Variants in C4orf51 observed in about 807,000 individuals in gnomAD.
C4orf51 encodes uncharacterized protein C4orf51.
C4orf51 carries 25 observed loss-of-function variants against 25.2 expected under a neutral mutation model. The observed-to-expected ratio is 0.99, with a 90% CI of 0.72 to 1.39. The LOEUF is 1.39. Ranked by LOEUF, C4orf51 falls within the 40% of genes most tolerant of loss-of-function variation. C4orf51 has a pLI of 0.00. For synonymous variants in C4orf51, 100 were observed against 84.5 expected, an observed-to-expected ratio of 1.18 and a Z score of -1.01; for missense variants, 252 against 239.6, an observed-to-expected ratio of 1.05 and a Z score of -0.34.
intron 1 of C4orf51, among the ~76,000 whole-genome samples, chr4:145,739,745 T>C (rs935638690): frequency 6.6e-6 from 1 of 152,222 alleles, no homozygotes; most frequent in Non-Finnish European, 1.5e-5. Context: ...GTGTTTGATA[T>C]GATGAGACAG....
chr4:145,764,480 C>T (rs1734982738), intron 1 of C4orf51, among the ~76,000 whole-genome samples: 1 of 152,160 alleles, frequency 6.6e-6, no homozygotes. Flanking sequence ...AGTATGTTTG[C>T]AGGAGGATCA....
At chr4:145,777,446 CT>C in the C4orf51 span, among the ~76,000 whole-genome samples, 1 of 152,156 alleles carries the variant, frequency 6.6e-6, no homozygotes, top group African/African-American at 2.4e-5. Context: ...ACGGTATGTC[CT>C]TCATAATTTT....
At chr4:145,706,062 G>A (rs1406890891) in intron 2 of C4orf51, among the ~76,000 whole-genome samples, 1 of 151,820 alleles carries the variant, frequency 6.6e-6, no homozygotes, top group Non-Finnish European at 1.5e-5. Flanking sequence ...AATAAGCAGG[G>A]TTAGTCTAAA....
intron 2 of C4orf51, 63 bp downstream of exon 2, chr4:145,696,695 A>G: frequency 7.7e-7 from 1 of 1,300,430 alleles, no homozygotes; most frequent in South Asian, 1.3e-5. Context: ...TGTTTCTTTC[A>G]GGTTCTTTTT....
chr4:145,784,382 T>C, the C4orf51 span, among the ~76,000 whole-genome samples: 1 of 152,210 alleles, frequency 6.6e-6, no homozygotes, highest in Non-Finnish European at 1.5e-5. Flanking sequence ...ATAACACTCT[T>C]AACTGAAGGC....
At chr4:145,716,396 A>G (rs748228734) in intron 2 of C4orf51, among the ~76,000 whole-genome samples, 1 of 152,168 alleles carries the variant, frequency 6.6e-6, no homozygotes, top group Non-Finnish European at 1.5e-5. Flanking sequence ...TTATGCTCAC[A>G]TTCCAATGTG....
At chr4:145,766,609 G>A (rs543116615) in intron 1 of C4orf51, among the ~76,000 whole-genome samples, 18 of 152,266 alleles carry the variant, frequency 1.2e-4, no homozygotes, top group Admixed American at 4.6e-4. Flanking sequence ...AGAGAGGAAG[G>A]GGCAGCACAG....
chr4:145,697,066 A>C (rs72723855), intron 2 of C4orf51, among the ~76,000 whole-genome samples: 3,265 of 150,954 alleles, frequency 0.022, 61 homozygotes, highest in Non-Finnish European at 0.03. Context: ...AACCAACCAA[A>C]CAAACAAACA....
chr4:145,764,804 CACCCT>C (rs1735029121), intron 1 of C4orf51: 29 of 730,364 alleles, frequency 4.0e-5, no homozygotes, highest in Non-Finnish European at 6.3e-5. Flanking sequence ...CATCTGTTGA[CACCCT>C]AGGGGGACAG....
chr4:145,682,824 G>A (rs1269632896), intron 1 of C4orf51, among the ~76,000 whole-genome samples: 1 of 152,118 alleles, frequency 6.6e-6, no homozygotes, highest in East Asian at 1.9e-4. Flanking sequence ...AATAAGGGAA[G>A]GGTCACATTT....
At chr4:145,704,715 G>A (rs537916608) in intron 2 of C4orf51, among the ~76,000 whole-genome samples, 1 of 152,108 alleles carries the variant, frequency 6.6e-6, no homozygotes, top group African/African-American at 2.4e-5. Flanking sequence ...TTTGTTACTG[G>A]TGGCAAATCC....
At chr4:145,713,648 A>G (rs1053445615) in intron 2 of C4orf51, among the ~76,000 whole-genome samples, 5 of 152,266 alleles carry the variant, frequency 3.3e-5, no homozygotes, top group African/African-American at 7.2e-5. Flanking sequence ...TGCCATGAAC[A>G]TTGTTTTAAT....
chr4:145,706,281 T>C (rs1436989966), intron 2 of C4orf51, among the ~76,000 whole-genome samples: 5 of 152,234 alleles, frequency 3.3e-5, no homozygotes, highest in Non-Finnish European at 7.3e-5. Flanking sequence ...ATGTACCATA[T>C]AGACTCCTTT....
intron 1 of C4orf51, among the ~76,000 whole-genome samples, chr4:145,684,059 A>G (rs1728991814): frequency 6.6e-6 from 1 of 152,240 alleles, no homozygotes; most frequent in South Asian, 2.1e-4. Context: ...AATTTGAAAA[A>G]GAACTGTTAT....
the C4orf51 span, among the ~76,000 whole-genome samples, chr4:145,776,319 G>T: frequency 6.6e-6 from 1 of 152,030 alleles, no homozygotes; most frequent in East Asian, 1.9e-4. Context: ...AAATTAGTCA[G>T]GTGTGGTGGC....
At chr4:145,699,078 A>C (rs1486522786) in intron 2 of C4orf51, among the ~76,000 whole-genome samples, 12 of 143,384 alleles carry the variant, frequency 8.4e-5, no homozygotes, top group East Asian at 4.1e-4. Context: ...TGCAACCCCC[A>C]CTCCTGCCCG....
In C4orf51 at chr4:145,761,665, G is replaced by A. The variant is rs984292650; in HGVS notation, n.167-9323G>A. The A allele has an allele frequency of 5.9e-5, 58 of 979,406 alleles. No homozygotes were observed. The highest frequency in any genetic ancestry group is 7.1e-5 in the Non-Finnish European group (52 of 735,126). 60.7% of individuals were successfully genotyped at this position (979,406 alleles called of 1,614,324 possible). ...TTCGGAGGCAGCCGCGCTTCTCGCC[G>A]CCTCACCAGCCTTCCCTCACACCAC... is the stretch of plus-strand genomic sequence containing the variant. On this transcript the variant is annotated intron_variant and non_coding_transcript_variant, in intron 1 of 1. Coordinates refer to the C4orf51 transcript ENST00000510096. The surrounding 1 kb of genome is among the most constrained non-coding windows in gnomAD (Gnocchi z 6.8).
downstream of C4orf51, among the ~76,000 whole-genome samples, chr4:145,755,612 G>C (rs1733891722): frequency 2.0e-5 from 3 of 150,924 alleles, no homozygotes; most frequent in South Asian, 6.3e-4. Flanking sequence ...AAGAAGAAGA[G>C]GCCTTGATTA....
chr4:145,700,619 T>G (rs1367440266), intron 2 of C4orf51, among the ~76,000 whole-genome samples: 1 of 152,176 alleles, frequency 6.6e-6, no homozygotes, highest in African/African-American at 2.4e-5. Flanking sequence ...TGGTCTGAGG[T>G]GCCTGACGTC....
Sources: allele counts gnomAD v4.1 joint callset (sites outside exome capture counted in the v4.1 genomes callset), GRCh38; gene constraint gnomAD v4.1.1; non-coding constraint Gnocchi (gnomAD v3.1); transcripts MANE v1.5; gene names NCBI Gene and HGNC (gene_info 2026-07-23, HGNC 2026-07-21).